Variants in RANBP9 observed in about 807,000 individuals in gnomAD.
RANBP9 encodes the protein RAN binding protein 9.
A neutral mutation model predicts 84.3 loss-of-function variants in RANBP9; 15 were observed. That is an observed-to-expected ratio of 0.18 (90% CI 0.12 to 0.27). The LOEUF (loss-of-function observed/expected upper bound fraction) is 0.27, where lower values mean the gene tolerates loss of function less well. RANBP9 is among the 10% of genes least tolerant of loss of function. The pLI is 1.00. For missense variants in RANBP9, 809 were observed against 912.8 expected (o/e 0.89, Z 1.46); for synonymous variants, 392 against 349.6 (o/e 1.12, Z -1.35).
At chr6:13,698,552 C>G (rs924417084) in intron 1 of RANBP9, among the ~76,000 whole-genome samples, 2 of 152,198 alleles carry the variant, frequency 1.3e-5, no homozygotes, top group Non-Finnish European at 2.9e-5. Flanking sequence ...TAAACAAAAT[C>G]TAACTGCAGT....
At chr6:13,682,532 A>G (rs1766069701) in intron 2 of RANBP9, among the ~76,000 whole-genome samples, 1 of 151,828 alleles carries the variant, frequency 6.6e-6, no homozygotes, top group Non-Finnish European at 1.5e-5. Flanking sequence ...GGCTCCATGC[A>G]ACCTCCGCCT....
At chr6:13,632,278 C>T (rs1331507457) in intron 12 of RANBP9, 92 bp downstream of exon 12, 10 of 1,337,762 alleles carry the variant, frequency 7.5e-6, no homozygotes, top group Admixed American at 2.3e-5. Context: ...AGTTCCCTAA[C>T]AAGAATTTCT....
chr6:13,635,486 A>C (rs1226915568), intron 10 of RANBP9, among the ~76,000 whole-genome samples: 1 of 150,712 alleles, frequency 6.6e-6, no homozygotes, highest in East Asian at 1.9e-4. Context: ...AAAGCAATAT[A>C]TATTCAATTG....
At chr6:13,672,782 A>G (rs1161459490) in intron 2 of RANBP9, among the ~76,000 whole-genome samples, 1 of 152,188 alleles carries the variant, frequency 6.6e-6, no homozygotes, top group Admixed American at 6.5e-5. Flanking sequence ...AGAAAGAATC[A>G]AAACAAAATG....
intron 1 of RANBP9, among the ~76,000 whole-genome samples, chr6:13,706,050 AGAGT>A (rs1403461696): frequency 6.6e-6 from 1 of 151,976 alleles, no homozygotes; most frequent in Non-Finnish European, 1.5e-5. Flanking sequence ...TGGGAAAGAC[AGAGT>A]AAGTATAACA....
chr6:13,659,257 T>TACACACACACAC (rs60255234), intron 2 of RANBP9, among the ~76,000 whole-genome samples: 35 of 130,666 alleles, frequency 2.7e-4, no homozygotes, highest in African/African-American at 6.5e-4. Context: ...CACACACACA[T>TACACACACACAC]ACACACACAC....
At chr6:13,658,375 G>C (rs1033156146) in intron 3 of RANBP9, among the ~76,000 whole-genome samples, 1 of 152,170 alleles carries the variant, frequency 6.6e-6, no homozygotes, top group African/African-American at 2.4e-5. Context: ...TTGGGAGGCC[G>C]AGGCAGGTGG....
At position 13,634,589 on chromosome 6, in the gene RANBP9, C is replaced by CT. The variant is rs780160233; in HGVS notation, c.1674-38_1674-37insA. ...AAAACAAACCTAATTTTAGAAATATCATACTTGCAGCTTAGTTTAAAATAA... is the reference window on the plus strand; with the variant it reads ...AAAACAAACCTAATTTTAGAAATATCTATACTTGCAGCTTAGTTTAAAATAA... On this transcript the variant is annotated intron_variant, in intron 10 of 13. Transcript: ENST00000011619. The CT allele has an allele frequency of 3.2e-6, 5 of 1,565,030 alleles. No individual in the cohort carries two copies. The Admixed American group carries it at 8.7e-5, about 27-fold the overall frequency.
intron 13 of RANBP9, among the ~76,000 whole-genome samples, chr6:13,623,160 TA>T (rs565961938): frequency 1.4e-3 from 214 of 152,298 alleles, no homozygotes; most frequent in African/African-American, 4.7e-3. Flanking sequence ...ACAAATGCAA[TA>T]ATTAACAAAA....
chr6:13,640,759 GT>G (rs1765046002), intron 8 of RANBP9, among the ~76,000 whole-genome samples: 1 of 152,176 alleles, frequency 6.6e-6, no homozygotes, highest in South Asian at 2.1e-4. Flanking sequence ...GATGGTTAGT[GT>G]TTAATAGAGA....
At chr6:13,635,371 T>C (rs894229379) in intron 10 of RANBP9, among the ~76,000 whole-genome samples, 2 of 152,190 alleles carry the variant, frequency 1.3e-5, no homozygotes, top group Admixed American at 6.5e-5. Flanking sequence ...ATCTAATCTT[T>C]AGGATTTATC....
intron 6 of RANBP9, among the ~76,000 whole-genome samples, chr6:13,643,795 C>CA (rs1307653194): frequency 6.6e-6 from 1 of 152,022 alleles, no homozygotes; most frequent in Non-Finnish European, 1.5e-5. Context: ...CTGGGCTGGA[C>CA]AAAAAAACTA....
At chr6:13,706,313 C>G (rs1259361274) in intron 1 of RANBP9, among the ~76,000 whole-genome samples, 1 of 152,094 alleles carries the variant, frequency 6.6e-6, no homozygotes, top group Non-Finnish European at 1.5e-5. Flanking sequence ...CACTGCACTC[C>G]AGCCTGGGCA....
At chr6:13,645,155 ATAAAAG>A (rs2127766433) in intron 5 of RANBP9, among the ~76,000 whole-genome samples, 1 of 152,322 alleles carries the variant, frequency 6.6e-6, no homozygotes, top group Non-Finnish European at 1.5e-5. Flanking sequence ...GCTAGTTATC[ATAAAAG>A]TATGATCTCA....
At chr6:13,648,016 A>G (rs573384247) in intron 5 of RANBP9, among the ~76,000 whole-genome samples, 162 of 152,208 alleles carry the variant, frequency 1.1e-3, no homozygotes, top group Non-Finnish European at 2.4e-4. Flanking sequence ...AGTACCCATC[A>G]GCAGCCACTT....
intron 2 of RANBP9, among the ~76,000 whole-genome samples, chr6:13,674,265 T>C (rs1160868312): frequency 6.6e-6 from 1 of 152,034 alleles, no homozygotes; most frequent in Non-Finnish European, 1.5e-5. Flanking sequence ...ATATGTTGTC[T>C]ACAAGAAACT....
chr6:13,696,927 C>T lies in RANBP9; in HGVS notation c.572-31G>A, dbSNP rs749875115. 2.2e-5 allele frequency: 34 copies of T among 1,525,298 alleles called. 1 individual carries two copies. In the South Asian group the frequency reaches 3.7e-4, roughly 17 times the overall value. The allele number at this position is 1,525,298 out of a possible 1,614,324, so 94.5% of individuals were successfully genotyped here. The stretch of plus-strand genomic sequence containing the variant: ...TAGAAACAGGAAGGAAAAAAGAAGT[C>T]ACATGAGATATTCACTGAAAGATGA... On this transcript the variant is annotated intron_variant, in intron 1 of 13. Transcript: ENST00000011619.
intron 2 of RANBP9, among the ~76,000 whole-genome samples, chr6:13,693,888 C>T (rs896072345): frequency 2.0e-5 from 3 of 151,728 alleles, no homozygotes; most frequent in Non-Finnish European, 4.4e-5. Flanking sequence ...ACTAAAAATA[C>T]AAAAATTAGC....
At chr6:13,626,250 C>A (rs369025531) in intron 12 of RANBP9, among the ~76,000 whole-genome samples, 11 of 152,214 alleles carry the variant, frequency 7.2e-5, no homozygotes, top group African/African-American at 2.7e-4. Flanking sequence ...CCCTTCAGGA[C>A]CTGTTTATGC....
Sources: allele counts gnomAD v4.1 joint callset (sites outside exome capture counted in the v4.1 genomes callset), GRCh38; gene constraint gnomAD v4.1.1; transcripts MANE v1.5; gene names NCBI Gene and HGNC (gene_info 2026-07-23, HGNC 2026-07-21).